The following ZFYVE28 variants were observed in gnomAD, a reference collection of about 807,000 sequenced individuals.
The protein encoded by ZFYVE28 is lateral signaling target protein 2 homolog.
Under a neutral mutation model 82.1 loss-of-function variants are expected in ZFYVE28, and 40 were observed. The observed-to-expected ratio is 0.49, with a 90% CI of 0.38 to 0.63. ZFYVE28 has a LOEUF of 0.63. ZFYVE28 is among the 30% of genes least tolerant of loss of function. ZFYVE28 has a pLI of 0.00. For synonymous variants in ZFYVE28, 612 were observed against 546.1 expected (o/e 1.12, Z -1.68); for missense variants, 1,321 against 1,242.1 (o/e 1.06, Z -0.96).
intron 8 of ZFYVE28, among the ~76,000 whole-genome samples, chr4:2,284,573 G>A (rs772614507): frequency 4.6e-5 from 7 of 152,198 alleles, no homozygotes; most frequent in Non-Finnish European, 7.3e-5. Flanking sequence ...CTTGCTGCCC[G>A]GTCACACTGG....
At chr4:2,389,863 C>T (rs943489662) in intron 1 of ZFYVE28, among the ~76,000 whole-genome samples, 3 of 152,178 alleles carry the variant, frequency 2.0e-5, no homozygotes, top group Non-Finnish European at 4.4e-5. Context: ...CACGTGCTCA[C>T]CCCTGCATGC....
chr4:2,341,355 AC>A lies in ZFYVE28; in HGVS notation c.318+122del. On this transcript the variant is annotated intron_variant, in intron 3 of 12. Coordinates refer to ENST00000290974, the MANE Select transcript of ZFYVE28 (RefSeq NM_020972.3). The surrounding 1 kb of genome is among the most constrained non-coding windows in gnomAD (Gnocchi z 4.5). ...GACCACACCACGTAACCCAGAGTGG[AC>A]GGAGCTCTTGGAGGAGACACCAGGT... The A allele has an allele frequency of 7.4e-7, 1 of 1,352,102 alleles. No individual in the cohort carries two copies. Among genetic ancestry groups the A allele is most frequent in the Non-Finnish European group, 1.0e-6 (1 of 981,494 alleles). 83.8% of individuals were successfully genotyped at this position (1,352,102 alleles called of 1,614,324 possible). A position where few individuals can be genotyped will look rare whatever the true frequency, so the allele number is the denominator to read the frequency against.
chr4:2,404,617 G>A (rs1299952121), intron 1 of ZFYVE28, among the ~76,000 whole-genome samples: 2 of 152,162 alleles, frequency 1.3e-5, no homozygotes, highest in East Asian at 1.9e-4. Context: ...TATACGAAAC[G>A]TCCAGAACAG....
intron 11 of ZFYVE28, 59 bp from the exon 12 acceptor site, chr4:2,271,473 G>C (rs1735902720): frequency 6.4e-7 from 1 of 1,567,878 alleles, no homozygotes; most frequent in Non-Finnish European, 8.7e-7. Context: ...GCTGGGCCGG[G>C]ACCCTCAACC....
Position 2,332,956 on chromosome 4 carries a change from C to T in ZFYVE28, c.701+2749G>A, listed in dbSNP as rs1382102652. Among the ~76,000 whole-genome samples the T allele has an allele frequency of 3.9e-5, 6 of 152,096 alleles. No homozygotes were observed. Among genetic ancestry groups the T allele is most frequent in the Non-Finnish European group, 8.8e-5 (6 of 67,986 alleles). On this transcript the variant is annotated intron_variant, in intron 6 of 12. Transcript: ENST00000290974. The surrounding 1 kb of genome is among the most constrained non-coding windows in gnomAD (Gnocchi z 4.7). ...CAGCTGGCCACCCCCCTGGACAGGC[C>T]TGCTCCCTGGACTCTGGCTTTGGGC...
chr4:2,345,208 GA>G (rs907749617), intron 2 of ZFYVE28, among the ~76,000 whole-genome samples: 8 of 150,254 alleles, frequency 5.3e-5, no homozygotes, highest in African/African-American at 1.2e-4. Context: ...TCAAAAAAAA[GA>G]AAAAAAAATT....
rs1275835655 is a variant in ZFYVE28 at position 2,332,514 on chromosome 4, C to T, written c.701+3191G>A. On this transcript the variant is annotated intron_variant, in intron 6 of 12. Coordinates refer to ENST00000290974, the MANE Select transcript of ZFYVE28 (RefSeq NM_020972.3). The surrounding 1 kb of genome is among the most constrained non-coding windows in gnomAD (Gnocchi z 4.7). ...TGCACTGAGTCCCCCTTCCAGCATC[C>T]AGAACATTCCACAGCACTGTGGGTC... is the stretch of plus-strand genomic sequence containing the variant. Among the ~76,000 whole-genome samples, 2 of 152,192 alleles carry T rather than the reference C, an allele frequency of 1.3e-5. No individual in the cohort carries two copies. Among genetic ancestry groups the T allele is most frequent in the African/African-American group, 4.8e-5 (2 of 41,440 alleles).
intron 2 of ZFYVE28, among the ~76,000 whole-genome samples, chr4:2,350,190 C>T (rs990451737): frequency 4.6e-5 from 7 of 152,126 alleles, no homozygotes; most frequent in African/African-American, 9.7e-5. Context: ...GTAGGCCGGG[C>T]GCAGTGGCTC....
chr4:2,278,370 C>G (rs1000998599), intron 8 of ZFYVE28, among the ~76,000 whole-genome samples: 1 of 151,802 alleles, frequency 6.6e-6, no homozygotes, highest in Non-Finnish European at 1.5e-5. Flanking sequence ...GCATTTTTAG[C>G]GGAGATGGGG....
intron 4 of ZFYVE28, among the ~76,000 whole-genome samples, chr4:2,338,811 C>T (rs1384321739): frequency 6.6e-6 from 1 of 152,034 alleles, no homozygotes; most frequent in African/African-American, 2.4e-5. Context: ...CATCTGCCTC[C>T]GTGTTTTGTT....
At chr4:2,380,918 C>T (rs900738940) in intron 1 of ZFYVE28, among the ~76,000 whole-genome samples, 5 of 152,106 alleles carry the variant, frequency 3.3e-5, no homozygotes, top group African/African-American at 9.7e-5. Context: ...TGAAAATGGA[C>T]TAATACAGTA....
intron 7 of ZFYVE28, chr4:2,316,234 C>T (rs938215543): frequency 1.3e-4 from 19 of 151,736 alleles, no homozygotes; most frequent in African/African-American, 4.1e-4. Flanking sequence ...GGCTGGAGTG[C>T]AGTGGCTATC....
intron 1 of ZFYVE28, among the ~76,000 whole-genome samples, chr4:2,402,650 A>G (rs1731325407): frequency 6.6e-6 from 1 of 152,210 alleles, no homozygotes; most frequent in African/African-American, 2.4e-5. Context: ...CAGTCGCACA[A>G]CAACACTCAC....
Position 2,339,376 on chromosome 4 carries a change from T to G in ZFYVE28, c.521+77A>C. ...CTGTGGAATTTTCCAGCTTGAAGTA[T>G]CAGGGTGAGCCCCGGAAGCTGGCAC... On this transcript the variant is annotated intron_variant, in intron 4 of 12. Transcript: ENST00000290974. The surrounding 1 kb of genome is among the most constrained non-coding windows in gnomAD (Gnocchi z 5.0). The G allele has an allele frequency of 6.7e-7, 1 of 1,494,050 alleles. No homozygotes were observed. Among genetic ancestry groups the G allele is most frequent in the Non-Finnish European group, 9.1e-7 (1 of 1,102,070 alleles). The allele number at this position is 1,494,050 out of a possible 1,614,324, so 92.5% of individuals were successfully genotyped here. A position where few individuals can be genotyped will look rare whatever the true frequency, so the allele number is the denominator to read the frequency against.
chr4:2,403,025 G>C (rs1366494249), intron 1 of ZFYVE28, among the ~76,000 whole-genome samples: 1 of 152,248 alleles, frequency 6.6e-6, no homozygotes, highest in Non-Finnish European at 1.5e-5. Flanking sequence ...ATCCGTGTTT[G>C]AGGAAAGTCA....
intron 8 of ZFYVE28, among the ~76,000 whole-genome samples, chr4:2,289,979 G>A (rs1713354504): frequency 6.6e-6 from 1 of 152,270 alleles, no homozygotes; most frequent in Admixed American, 6.5e-5. Context: ...CTCAGGGGGA[G>A]GACAGACACA....
intron 1 of ZFYVE28, among the ~76,000 whole-genome samples, chr4:2,385,709 G>C (rs907653098): frequency 6.6e-6 from 1 of 152,054 alleles, no homozygotes; most frequent in East Asian, 1.9e-4. Context: ...AGGACAGCAC[G>C]GGGCAGATTT....
At chr4:2,358,769 T>C (rs1215709376) in intron 1 of ZFYVE28, among the ~76,000 whole-genome samples, 1 of 152,134 alleles carries the variant, frequency 6.6e-6, no homozygotes, top group Non-Finnish European at 1.5e-5. Context: ...GGACTCAGAA[T>C]GTCAGAATGT....
intron 7 of ZFYVE28, among the ~76,000 whole-genome samples, chr4:2,315,449 T>C (rs1483276559): frequency 2.0e-5 from 3 of 152,110 alleles, no homozygotes; most frequent in Non-Finnish European, 2.9e-5. Flanking sequence ...GATTTTTGAA[T>C]TTTTAGTAGA....
Sources: gnomAD v4.1 joint callset for allele counts (sites outside exome capture counted in the v4.1 genomes callset) on GRCh38, gnomAD v4.1.1 for gene constraint, Gnocchi (gnomAD v3.1) non-coding constraint, MANE v1.5 for transcripts, NCBI Gene and HGNC (gene_info 2026-07-23, HGNC 2026-07-21) for gene names.